Variants in GCKR observed in about 807,000 individuals in gnomAD.
GCKR encodes glucokinase regulatory protein.
GCKR carries 73 observed loss-of-function variants against 82.9 expected under a neutral mutation model. That is an observed-to-expected ratio of 0.88 (90% CI 0.73 to 1.07). GCKR has a LOEUF of 1.07. GCKR is among the 50% of genes least tolerant of loss of function. The pLI is 0.00. For missense variants in GCKR, 784 were observed against 782.1 expected, an observed-to-expected ratio of 1.00 and a Z score of -0.03; for synonymous variants, 294 against 291.8, an observed-to-expected ratio of 1.01 and a Z score of -0.08.
intron 7 of GCKR, among the ~76,000 whole-genome samples, chr2:27,500,850 A>C (rs1338918131): frequency 6.6e-6 from 1 of 152,268 alleles, no homozygotes; most frequent in African/African-American, 2.4e-5. Flanking sequence ...GGAAGCACAC[A>C]AAGAGAAGAG....
At chr2:27,522,624 A>G (rs1670179562) in intron 18 of GCKR, 30 bp downstream of exon 18, 1 of 1,594,166 alleles carries the variant, frequency 6.3e-7, no homozygotes, top group African/African-American at 1.3e-5. Flanking sequence ...TCATTCAACA[A>G]ATACTTTTTG....
At chr2:27,501,367 C>T (rs1256001746) in intron 8 of GCKR, 138 bp downstream of exon 8, 6 of 717,042 alleles carry the variant, frequency 8.4e-6, no homozygotes, top group African/African-American at 5.2e-5. Context: ...TATGGGGTGC[C>T]CCTAAGCTTA....
At position 27,503,398 on chromosome 2, in the gene GCKR, A is replaced by G; in HGVS notation, c.645-116A>G. The stretch of plus-strand genomic sequence containing the variant: ...AGTTCCAAAGCATATGTCTGTATGA[A>G]GTTGTTGACCTCTGACCTCAATCCC... On this transcript the variant is annotated intron_variant, in intron 8 of 18. Transcript: ENST00000264717. 4 of 721,792 alleles carry G rather than the reference A, an allele frequency of 5.5e-6. No individual in the cohort carries two copies. The Admixed American group carries it at 6.0e-5, about 11-fold the overall frequency. The allele number at this position is 721,792 out of a possible 1,614,324, so 44.7% of individuals were successfully genotyped here.
chr2:27,518,368 AAT>A (rs1200670310), intron 16 of GCKR, among the ~76,000 whole-genome samples: 11 of 152,210 alleles, frequency 7.2e-5, no homozygotes, highest in Admixed American at 3.9e-4. Context: ...TTGATCAGCA[AAT>A]ATGTGTCAGT....
At chr2:27,501,288 G>A (rs961719719) in intron 8 of GCKR, 59 bp downstream of exon 8, 1 of 1,053,358 alleles carries the variant, frequency 9.5e-7, no homozygotes, top group Non-Finnish European at 1.5e-6. Flanking sequence ...ACATGTCAAA[G>A]TCTACAGTAC....
At chr2:27,522,084 G>A (rs377157408) in intron 17 of GCKR, among the ~76,000 whole-genome samples, 1 of 152,134 alleles carries the variant, frequency 6.6e-6, no homozygotes, top group Non-Finnish European at 1.5e-5. Flanking sequence ...GTGACAAAAT[G>A]GAAGCAGTGT....
chr2:27,520,364 A>G (rs909304862), intron 17 of GCKR, among the ~76,000 whole-genome samples: 2 of 152,186 alleles, frequency 1.3e-5, no homozygotes, highest in Non-Finnish European at 2.9e-5. Flanking sequence ...ACAGAAGAGC[A>G]TTCCTGTTAG....
chr2:27,506,418 A>G (rs1669744740), intron 10 of GCKR, 63 bp from the exon 11 acceptor site: 1 of 1,057,534 alleles, frequency 9.5e-7, no homozygotes, highest in East Asian at 2.4e-5. Context: ...CCGCTCAGGG[A>G]GGCACCTAAG....
At chr2:27,510,519 G>A (rs1669856268) in intron 16 of GCKR, among the ~76,000 whole-genome samples, 1 of 152,182 alleles carries the variant, frequency 6.6e-6, no homozygotes, top group African/African-American at 2.4e-5. Flanking sequence ...CAAAGGGGAT[G>A]TAAAATTTTG....
At chr2:27,509,572 A>G in intron 16 of GCKR, 1 of 439,686 alleles carries the variant, frequency 2.3e-6, no homozygotes, top group Non-Finnish European at 4.6e-6. Flanking sequence ...CAACTCCTAG[A>G]CTCAAGTGAT....
chr2:27,503,585 A>G lies in GCKR; in HGVS notation c.716A>G (p.Lys239Arg). Reference protein sequence around the residue: ...VAERMQKMQEKQKAFVLNPAI... With the variant: ...VAERMQKMQERQKAFVLNPAI... ...GAGCGGATGCAGAAAATGCAGGAGA[A>G]ACAGAAAGCTTTTGTGCTCAATCCT... Residue 239 changes from lysine to arginine, a missense_variant, in exon 9 of 19, where the codon AAA becomes AGA. Physicochemically the swap from Lys to Arg is conservative, Grantham distance 26 (BLOSUM62 2). Transcript: ENST00000264717. The G allele has an allele frequency of 6.2e-7, 1 of 1,610,114 alleles. No homozygotes were observed. Among genetic ancestry groups the G allele is most frequent in the Non-Finnish European group, 8.5e-7 (1 of 1,176,312 alleles).
At chr2:27,513,386 C>T (rs1294231449) in intron 16 of GCKR, among the ~76,000 whole-genome samples, 1 of 151,920 alleles carries the variant, frequency 6.6e-6, no homozygotes, top group Non-Finnish European at 1.5e-5. Context: ...AAAAATTAGC[C>T]GGGTGTGGTG....
rs771373240 is a variant in GCKR at position 27,498,281 on chromosome 2, G to A, written c.312G>A (p.Leu104=). The A allele has an allele frequency of 6.2e-7, 1 of 1,613,754 alleles. No homozygotes were observed. Among genetic ancestry groups the A allele is most frequent in the South Asian group, 1.1e-5 (1 of 91,052 alleles). Residue 104 remains leucine, a synonymous_variant, in exon 4 of 19, where the codon CTG becomes CTA. Transcript: ENST00000264717. ...LKEPDGGLVV[L]SGGGTSGRMA... is the part of the protein sequence containing the mutation. ...AGCCAGATGGGGGGCTGGTTGTGCT[G>A]AGTGGAGGGGGCACCTCTGGCCGGA...
chr2:27,501,342 G>A (rs1669571397), intron 8 of GCKR, 113 bp downstream of exon 8: 3 of 775,594 alleles, frequency 3.9e-6, no homozygotes, highest in Admixed American at 1.9e-5. Context: ...CCAAATCTCA[G>A]AATATTAAAG....
At chr2:27,502,546 G>A (rs1669610519) in intron 8 of GCKR, among the ~76,000 whole-genome samples, 1 of 152,156 alleles carries the variant, frequency 6.6e-6, no homozygotes, top group African/African-American at 2.4e-5. Context: ...TGGATGCCCA[G>A]CTGTGTTTAG....
Position 27,519,307 on chromosome 2 carries a change from T to C in GCKR, c.1572+370T>C, listed in dbSNP as rs111870040. On this transcript the variant is annotated intron_variant, in intron 17 of 18. Coordinates refer to ENST00000264717, the MANE Select transcript of GCKR (RefSeq NM_001486.4). The stretch of plus-strand genomic sequence containing the variant: ...GTTTTCCCCTGTGTTGCTCTCATTC[T>C]TTTTTTTTTTTTGAGATGGGGTCTT... Among the ~76,000 whole-genome samples, 569 of 143,854 alleles carry C rather than the reference T, an allele frequency of 4.0e-3. 6 individuals carry two copies. The highest frequency in any genetic ancestry group is 0.014 in the African/African-American group (551 of 39,416). 94.4% of individuals were successfully genotyped at this position (143,854 alleles called of 152,430 possible). A position where few individuals can be genotyped will look rare whatever the true frequency, so the allele number is the denominator to read the frequency against.
At chr2:27,508,337 C>A (rs1007408401) in intron 16 of GCKR, 86 bp downstream of exon 16, 2 of 953,710 alleles carry the variant, frequency 2.1e-6, no homozygotes, top group African/African-American at 1.6e-5. Context: ...GGCTGTAGGG[C>A]AGAAAGTTTG....
intron 18 of GCKR, 112 bp from the exon 19 acceptor site, chr2:27,523,157 C>T: frequency 1.1e-6 from 1 of 880,256 alleles, no homozygotes; most frequent in African/African-American, 1.6e-5. Context: ...CCTCGGCCTC[C>T]CAAAGTGCTG....
intron 16 of GCKR, among the ~76,000 whole-genome samples, chr2:27,517,535 C>A (rs1422502434): frequency 5.3e-5 from 8 of 152,074 alleles, no homozygotes; most frequent in African/African-American, 2.4e-5. Flanking sequence ...CGCCCCCTGC[C>A]CCCCATGATT....
Sources: gnomAD v4.1 joint callset for allele counts (sites outside exome capture counted in the v4.1 genomes callset) on GRCh38, gnomAD v4.1.1 for gene constraint, MANE v1.5 for transcripts, NCBI Gene and HGNC (gene_info 2026-07-23, HGNC 2026-07-21) for gene names.